GRID2: variants seen among roughly 807,000 people sequenced by gnomAD.
The protein encoded by GRID2 is glutamate ionotropic receptor delta type subunit 2.
In GRID2, 33 loss-of-function variants were observed where a neutral mutation model predicts 114.8. The observed-to-expected ratio is 0.29, with a 90% CI of 0.22 to 0.38. GRID2 has a LOEUF of 0.38. GRID2 is among the 10% of genes least tolerant of loss of function. The pLI is 1.00. For synonymous variants in GRID2, 505 were observed against 449.9 expected, an observed-to-expected ratio of 1.12 and a Z score of -1.55; for missense variants, 1,184 against 1,257.7, an observed-to-expected ratio of 0.94 and a Z score of 0.89.
intron 6 of GRID2, among the ~76,000 whole-genome samples, chr4:93,223,484 A>C (rs1477959066): frequency 6.6e-6 from 1 of 152,186 alleles, no homozygotes; most frequent in Non-Finnish European, 1.5e-5. Flanking sequence ...CAATAGCCAA[A>C]GCTTAGTACC....
At chr4:92,444,077 G>A (rs545106105) in intron 1 of GRID2, among the ~76,000 whole-genome samples, 10 of 152,290 alleles carry the variant, frequency 6.6e-5, no homozygotes, top group African/African-American at 2.4e-4. Flanking sequence ...TTGGTGAGAT[G>A]TTCCTTGGGC....
intron 8 of GRID2, among the ~76,000 whole-genome samples, chr4:93,304,533 A>G (rs77608698): frequency 0.011 from 1,667 of 152,188 alleles, 29 homozygotes; most frequent in African/African-American, 0.038. Flanking sequence ...GAATGAAAAA[A>G]ACAATGTTGC....
chr4:93,200,026 T>A (rs1741905839), intron 4 of GRID2, among the ~76,000 whole-genome samples: 2 of 152,182 alleles, frequency 1.3e-5, no homozygotes, highest in African/African-American at 4.8e-5. Flanking sequence ...GGTGTTTGTT[T>A]GTTTAGTTTT....
At chr4:93,287,584 G>C (rs1437614406) in intron 8 of GRID2, among the ~76,000 whole-genome samples, 1 of 152,178 alleles carries the variant, frequency 6.6e-6, no homozygotes, top group Non-Finnish European at 1.5e-5. Flanking sequence ...ACTGAATTTA[G>C]GGAGTATTAG....
chr4:92,387,861 C>G (rs1312794266), intron 1 of GRID2, among the ~76,000 whole-genome samples: 1 of 151,970 alleles, frequency 6.6e-6, no homozygotes, highest in Non-Finnish European at 1.5e-5. Flanking sequence ...CCATTGCCAG[C>G]CAAATTAGCT....
intron 2 of GRID2, among the ~76,000 whole-genome samples, chr4:92,798,130 T>C (rs936160905): frequency 3.3e-5 from 5 of 151,996 alleles, no homozygotes; most frequent in African/African-American, 1.2e-4. Context: ...GTAAAACTTA[T>C]TTGAAATGCT....
intron 2 of GRID2, among the ~76,000 whole-genome samples, chr4:93,057,685 A>G (rs1727392115): frequency 6.6e-6 from 1 of 151,922 alleles, no homozygotes; most frequent in Non-Finnish European, 1.5e-5. Flanking sequence ...GTCTGGGAAG[A>G]AGAGTATTTG....
chr4:93,495,371 AT>A (rs909415065), intron 12 of GRID2, among the ~76,000 whole-genome samples: 3 of 151,718 alleles, frequency 2.0e-5, no homozygotes, highest in African/African-American at 7.3e-5. Context: ...TTATTGAGCA[AT>A]TTTTTTCTAA....
chr4:92,781,326 G>C (rs1038337716), intron 2 of GRID2, among the ~76,000 whole-genome samples: 9 of 151,808 alleles, frequency 5.9e-5, no homozygotes, highest in African/African-American at 2.2e-4. Flanking sequence ...ACTTACCTAG[G>C]CTTTAATTAC....
chr4:92,554,219 C>T (rs912222154), intron 1 of GRID2, among the ~76,000 whole-genome samples: 49 of 152,186 alleles, frequency 3.2e-4, no homozygotes, highest in African/African-American at 9.2e-4. Flanking sequence ...ACTTTATATA[C>T]GTATACACAT....
At chr4:93,127,808 G>A (rs917784402) in intron 4 of GRID2, among the ~76,000 whole-genome samples, 4 of 151,784 alleles carry the variant, frequency 2.6e-5, no homozygotes, top group African/African-American at 7.3e-5. Context: ...CTCAGCCTGG[G>A]CAATTGAAGC....
chr4:93,652,124 T>TA (rs141055196), intron 14 of GRID2, among the ~76,000 whole-genome samples: 3,784 of 152,260 alleles, frequency 0.025, 171 homozygotes, highest in African/African-American at 0.087. Context: ...TACAGGGTCT[T>TA]AAAATGTAAT....
chr4:93,701,158 T>G (rs533705980), intron 14 of GRID2, among the ~76,000 whole-genome samples: 39 of 152,286 alleles, frequency 2.6e-4, no homozygotes, highest in African/African-American at 7.7e-4. Context: ...TAAATATGTT[T>G]TATTCCTTCC....
chr4:93,111,236 A>G (rs1169129417), intron 4 of GRID2, among the ~76,000 whole-genome samples: 1 of 152,206 alleles, frequency 6.6e-6, no homozygotes, highest in Non-Finnish European at 1.5e-5. Context: ...ACCTGAATGA[A>G]TCTGGCAAGA....
At chr4:93,652,593 T>C (rs73839749) in intron 14 of GRID2, among the ~76,000 whole-genome samples, 19,016 of 151,734 alleles carry the variant, frequency 0.13, 1,561 homozygotes, top group East Asian at 0.44. Context: ...GGTCTAGGTT[T>C]GTGTAACTAC....
At chr4:92,705,504 T>C (rs1176555053) in intron 2 of GRID2, among the ~76,000 whole-genome samples, 1 of 152,202 alleles carries the variant, frequency 6.6e-6, no homozygotes, top group East Asian at 1.9e-4. Flanking sequence ...TAGTGTTTGT[T>C]GGCTTCCTTT....
chr4:92,473,758 G>A (rs1722155034), intron 1 of GRID2, among the ~76,000 whole-genome samples: 1 of 152,026 alleles, frequency 6.6e-6, no homozygotes, highest in Non-Finnish European at 1.5e-5. Flanking sequence ...CTTACTGAGA[G>A]AGACAGTTGA....
At chr4:93,309,959 G>T (rs72876912) in intron 8 of GRID2, among the ~76,000 whole-genome samples, 2 of 152,054 alleles carry the variant, frequency 1.3e-5, no homozygotes, top group South Asian at 2.1e-4. Flanking sequence ...ATTGTGCAGG[G>T]TGTATATATG....
At chr4:92,860,845 G>C (rs1373864698) in intron 2 of GRID2, among the ~76,000 whole-genome samples, 1 of 151,918 alleles carries the variant, frequency 6.6e-6, no homozygotes, top group Non-Finnish European at 1.5e-5. Context: ...GAAAGCATAA[G>C]AACATGTTTC....
Sources: gnomAD v4.1 joint callset for allele counts (sites outside exome capture counted in the v4.1 genomes callset) on GRCh38, gnomAD v4.1.1 for gene constraint, MANE v1.5 for transcripts, NCBI Gene and HGNC (gene_info 2026-07-23, HGNC 2026-07-21) for gene names.